The following USP24 variants were observed in gnomAD, a reference collection of about 807,000 sequenced individuals.
USP24 encodes the protein ubiquitin carboxyl-terminal hydrolase 24.
Under a neutral mutation model 361.6 loss-of-function variants are expected in USP24, and 97 were observed. The observed-to-expected ratio is 0.27, with a 90% CI of 0.23 to 0.32. The LOEUF (loss-of-function observed/expected upper bound fraction) is 0.32, where lower values mean the gene tolerates loss of function less well. Ranked by LOEUF, USP24 falls within the 10% of genes least tolerant of loss-of-function variation. The probability of loss-of-function intolerance (pLI) is 1.00; values close to 1 mark genes in which losing one functional copy is unlikely to be tolerated. For synonymous variants in USP24, 1,098 were observed against 1,124.6 expected (o/e 0.98, Z 0.47); for missense variants, 2,353 against 3,165.6 (o/e 0.74, Z 6.16).
chr1:55,143,020 T>C lies in USP24; in HGVS notation c.2539A>G (p.Ile847Val). The C allele has an allele frequency of 2.0e-6, 3 of 1,527,990 alleles. No individual in the cohort carries two copies. The highest frequency in any genetic ancestry group is 2.6e-6 in the Non-Finnish European group (3 of 1,136,312). The allele number at this position is 1,527,990 out of a possible 1,614,324, so 94.7% of individuals were successfully genotyped here. The change falls in exon 22 of 68, where the codon ATA (isoleucine) becomes GTA (valine). Residue 847 changes from isoleucine (I) to valine (V), a missense_variant. Physicochemically the swap from Ile to Val is conservative, Grantham distance 29 (BLOSUM62 3). Around this residue, in one of 8 missense-constraint regions of USP24, gnomAD observed 949 missense variants for 1,280.5 expected, o/e 0.74. Transcript: ENST00000294383. ...EIANEAIQLI[I>V]NYSYINLNPR... ...TTTAGATTAATGTAACTATAGTTTATGATTAGCTGAATAGCTTCATTAGCA... is the reference window on the plus strand; with the variant it reads ...TTTAGATTAATGTAACTATAGTTTACGATTAGCTGAATAGCTTCATTAGCA...
chr1:55,143,073 A>G lies in USP24; in HGVS notation c.2486T>C (p.Ile829Thr), dbSNP rs971948162. 33 of 1,531,086 alleles carry G rather than the reference A, an allele frequency of 2.2e-5. No homozygotes were observed. The highest frequency in any genetic ancestry group is 2.8e-5 in the Non-Finnish European group (32 of 1,141,534). The allele number at this position is 1,531,086 out of a possible 1,614,324, so 94.8% of individuals were successfully genotyped here. The change falls in exon 22 of 68, where the codon ATA becomes ACA. Residue 829 changes from isoleucine (I) to threonine (T), a missense_variant. By Grantham distance (89) the Ile-to-Thr change is moderately conservative (BLOSUM62 -1). Transcript: ENST00000294383. ...TTCTTCATCAGGTGATTCCATGGCT[A>G]TTTTCCAAATGAAATCCATTCCTAT... ...ELIGMDFIWK[I>T]AMESPDEEIA...
intron 65 of USP24, 57 bp downstream of exon 65, chr1:55,072,728 CA>C: frequency 6.7e-7 from 1 of 1,484,394 alleles, no homozygotes; most frequent in Non-Finnish European, 9.1e-7. Context: ...TTTTTCCTGA[CA>C]AGATGTGCTA....
At chr1:55,093,632 A>T (rs1321034549) in intron 52 of USP24, 7 of 238,282 alleles carry the variant, frequency 2.9e-5, no homozygotes, top group African/African-American at 1.6e-4. Context: ...TATTTCAGCA[A>T]CACGATTTCT....
intron 36 of USP24, among the ~76,000 whole-genome samples, chr1:55,123,039 TG>T (rs1646327733): frequency 6.6e-6 from 1 of 152,188 alleles, no homozygotes. Context: ...TGATTAGTAA[TG>T]GTCCCCGTTC....
chr1:55,146,917 C>G lies in USP24; in HGVS notation c.2250+12G>C. 6.2e-7 allele frequency: 1 copy of G among 1,610,950 alleles called. No homozygotes were observed. The highest frequency in any genetic ancestry group is 8.5e-7 in the Non-Finnish European group (1 of 1,178,316). On this transcript the variant is annotated intron_variant, in intron 19 of 67. Transcript: ENST00000294383. The stretch of plus-strand genomic sequence containing the variant: ...TTTCTGCCTTACTTTATCCACAATA[C>G]CACCTTCTTACCTCTCTATCTAATT...
rs1218499563 is a variant in USP24 at position 55,070,945 on chromosome 1, G to A, written c.7800+869C>T. Among the ~76,000 whole-genome samples, 8 of 152,194 alleles carry A rather than the reference G, an allele frequency of 5.3e-5. 1 individual carries two copies. The South Asian group carries it at 8.3e-4, about 16-fold the overall frequency. The stretch of plus-strand genomic sequence containing the variant: ...TGCAGATGCTTGGGAATTAGTGGCC[G>A]CAGGAGCTCTCCTGTGACAGCTTTT... On this transcript the variant is annotated intron_variant, in intron 67 of 67. Transcript: ENST00000294383.
At chr1:55,196,791 C>T (rs112777669) in intron 1 of USP24, among the ~76,000 whole-genome samples, 25 of 152,178 alleles carry the variant, frequency 1.6e-4, no homozygotes, top group African/African-American at 6.0e-4. Flanking sequence ...AAAAAGTTAT[C>T]GTGACAGTTG....
At chr1:55,103,413 G>T (rs2100517620) in intron 42 of USP24, among the ~76,000 whole-genome samples, 1 of 152,234 alleles carries the variant, frequency 6.6e-6, no homozygotes, top group African/African-American at 2.4e-5. Flanking sequence ...ACTATACACT[G>T]ACCTTCTTGA....
At chr1:55,166,480 T>C (rs544998226) in intron 6 of USP24, 88 bp downstream of exon 6, 1 of 1,173,566 alleles carries the variant, frequency 8.5e-7, no homozygotes, top group East Asian at 2.6e-5. Context: ...TCTCTGCAGC[T>C]GCCATTTGCT....
Position 55,188,408 on chromosome 1 carries a change from A to G in USP24, c.325-10276T>C, listed in dbSNP as rs564241440. Among the ~76,000 whole-genome samples the G allele has an allele frequency of 4.6e-5, 7 of 152,260 alleles. No homozygotes were observed. The East Asian group carries it at 1.3e-3, about 29-fold the overall frequency. On this transcript the variant is annotated intron_variant, in intron 1 of 67. Coordinates refer to ENST00000294383, the MANE Select transcript of USP24 (RefSeq NM_015306.3). ...AAGTCACCATTAAGAAAGTGAAAAAAAGAATCTACAGAATGAGAAACAGTA... is the reference window on the plus strand; with the variant it reads ...AAGTCACCATTAAGAAAGTGAAAAAGAGAATCTACAGAATGAGAAACAGTA...
At chr1:55,142,669 T>A in intron 23 of USP24, 73 bp downstream of exon 23, 2 of 1,058,222 alleles carry the variant, frequency 1.9e-6, no homozygotes, top group African/African-American at 1.6e-5. Flanking sequence ...TTATAAATTA[T>A]CTAAAAATAT....
intron 16 of USP24, among the ~76,000 whole-genome samples, chr1:55,149,145 T>A (rs1647122191): frequency 6.6e-6 from 1 of 152,236 alleles, no homozygotes; most frequent in Non-Finnish European, 1.5e-5. Flanking sequence ...ACACTGTACA[T>A]TTTTCAAAAC....
chr1:55,071,901 A>G lies in USP24; in HGVS notation c.7713T>C (p.Ala2571=). The G allele has an allele frequency of 6.2e-7, 1 of 1,612,212 alleles. No homozygotes were observed. Among genetic ancestry groups the G allele is most frequent in the African/African-American group, 1.3e-5 (1 of 75,034 alleles). The change falls in exon 67 of 68, where the codon GCT becomes GCC. Residue 2571 remains alanine, a synonymous_variant. Transcript: ENST00000294383. ...CTGATTGCTCTTTTTCATTCAACAA[A>G]GCTGTGGCATACGCTAACGTGTCCT... The part of the protein sequence containing the change: ...SAQDTLAYAT[A]LLNEKEQSGS...
intron 32 of USP24, among the ~76,000 whole-genome samples, chr1:55,126,624 G>A (rs982961648): frequency 1.3e-5 from 2 of 152,212 alleles, no homozygotes; most frequent in African/African-American, 4.8e-5. Context: ...TGACAGCCCT[G>A]TAAATGGCTG....
intron 38 of USP24, among the ~76,000 whole-genome samples, chr1:55,113,593 G>A (rs1038898171): frequency 4.6e-5 from 7 of 152,026 alleles, no homozygotes; most frequent in South Asian, 2.1e-4. Flanking sequence ...AGAAAATTTC[G>A]GGCCAATATC....
chr1:55,162,179 G>A lies in USP24; in HGVS notation c.993+20C>T. 6.3e-7 allele frequency: 1 copy of A among 1,576,716 alleles called. No homozygotes were observed. The highest frequency in any genetic ancestry group is 8.6e-7 in the Non-Finnish European group (1 of 1,164,492). On this transcript the variant is annotated intron_variant, in intron 8 of 67. Coordinates refer to ENST00000294383, the MANE Select transcript of USP24 (RefSeq NM_015306.3). ...CATGTCTTCAATCATATGAAGTAAT[G>A]TGAAATGGTTTAATCCTACCTGTAC...
rs759690406 is a variant in USP24, at chr1:55,103,894, A to G, written c.5007T>C (p.Ala1669=). 3.7e-6 allele frequency: 6 copies of G among 1,613,054 alleles called. No homozygotes were observed. In the South Asian group the frequency reaches 6.6e-5, roughly 18 times the overall value. ...AACCTACATCAAACTCCTTGGTAAG[A>G]GCAGGGTCAGGCTGGTGATGCATAG... The part of the protein sequence containing the change: ...LLSMHHQPDP[A]LTKEFDYLPP... The change falls in exon 42 of 68, where the codon GCT becomes GCC. Residue 1669 remains alanine, a synonymous_variant. Transcript: ENST00000294383.
chr1:55,169,597 T>C (rs1649241917), intron 5 of USP24, among the ~76,000 whole-genome samples: 1 of 152,134 alleles, frequency 6.6e-6, no homozygotes, highest in Non-Finnish European at 1.5e-5. Flanking sequence ...AGACTTCTAA[T>C]AGAAGAACCA....
intron 15 of USP24, 34 bp from the exon 16 acceptor site, chr1:55,153,951 T>C: frequency 6.5e-7 from 1 of 1,548,366 alleles, no homozygotes; most frequent in South Asian, 1.2e-5. Flanking sequence ...TATAAGTGAC[T>C]TGGTAAAAGC....
Sources: gnomAD v4.1 joint callset for allele counts (sites outside exome capture counted in the v4.1 genomes callset) on GRCh38, gnomAD v4.1.1 for gene constraint, gnomAD v4.1.1 regional missense constraint, MANE v1.5 for transcripts, NCBI Gene and HGNC (gene_info 2026-07-23, HGNC 2026-07-21) for gene names.